Variants in DGCR8 observed in about 807,000 individuals in gnomAD.
DGCR8 encodes microprocessor complex subunit DGCR8.
In DGCR8, 14 loss-of-function variants were observed where a neutral mutation model predicts 78.5. The ratio of observed to expected loss-of-function variants is 0.18; its 90% confidence interval spans 0.12 to 0.28. The LOEUF (loss-of-function observed/expected upper bound fraction) is 0.28. Among genes scored for constraint, DGCR8 ranks in the 10% least tolerant of loss-of-function variants. DGCR8 has a pLI of 1.00. For missense variants in DGCR8, 702 were observed against 1,022.5 expected (o/e 0.69, Z 4.28); for synonymous variants, 399 against 402.4 (o/e 0.99, Z 0.10).
In DGCR8 at chr22:20,107,706, G is replaced by A. The variant is rs1486119743; in HGVS notation, c.2124+308G>A. 2.8e-5 allele frequency: 11 copies of A among 392,284 alleles called. 1 individual carries two copies. Among genetic ancestry groups the A allele is most frequent in the South Asian group, 7.6e-5 (3 of 39,466 alleles). The allele number at this position is 392,284 out of a possible 1,614,324, so 24.3% of individuals were successfully genotyped here. ...GCCAGGCAGGAGATGCTGAAGGTGC[G>A]CCCGGCTCGGAGGTGTGCAAAGGCT... is the stretch of plus-strand genomic sequence containing the variant. On this transcript the variant is annotated intron_variant, in intron 12 of 13. Coordinates refer to ENST00000351989, the MANE Select transcript of DGCR8 (RefSeq NM_022720.7).
chr22:20,084,057 C>T (rs372770553), intron 1 of DGCR8, among the ~76,000 whole-genome samples: 20 of 152,300 alleles, frequency 1.3e-4, no homozygotes, highest in African/African-American at 3.8e-4. Context: ...TGGTCATTGA[C>T]CTGCCAGTGT....
chr22:20,085,627 G>C lies in DGCR8; in HGVS notation c.-277-60G>C. On this transcript the variant is annotated intron_variant, in intron 1 of 13. Coordinates refer to ENST00000351989, the MANE Select transcript of DGCR8 (RefSeq NM_022720.7). The surrounding 1 kb of genome is among the most constrained non-coding windows in gnomAD (Gnocchi z 6.2). Reference sequence around the variant, plus strand: ...TTAATAGTGCTTGGCTTTTAACTTGGTACCAGGGAATTGGAAGGTTTCTGT... The same window carrying C: ...TTAATAGTGCTTGGCTTTTAACTTGCTACCAGGGAATTGGAAGGTTTCTGT... 2 of 1,259,382 alleles carry C rather than the reference G, an allele frequency of 1.6e-6. No individual in the cohort carries two copies. The highest frequency in any genetic ancestry group is 2.0e-6 in the Non-Finnish European group (2 of 999,490). 78.0% of individuals were successfully genotyped at this position (1,259,382 alleles called of 1,614,324 possible). A position where few individuals can be genotyped will look rare whatever the true frequency, so the allele number is the denominator to read the frequency against.
chr22:20,100,812 C>A, intron 9 of DGCR8: 1 of 985,378 alleles, frequency 1.0e-6, no homozygotes, highest in East Asian at 1.1e-4. Flanking sequence ...ACCCCTACTC[C>A]GATCCTCCCA....
chr22:20,088,533 T>C (rs956469320), intron 3 of DGCR8, among the ~76,000 whole-genome samples: 1 of 152,162 alleles, frequency 6.6e-6, no homozygotes, highest in South Asian at 2.1e-4. Context: ...CTTGCTTGGC[T>C]CCGTATTCCC....
At chr22:20,108,811 A>G in intron 12 of DGCR8, 79 bp from the exon 13 acceptor site, 2 of 356,614 alleles carry the variant, frequency 5.6e-6, no homozygotes. Context: ...TCAGGGTCCC[A>G]GGCACACAGC....
At chr22:20,092,775 C>A (rs774384546) in intron 7 of DGCR8, 34 bp from the exon 8 acceptor site, 3 of 1,576,370 alleles carry the variant, frequency 1.9e-6, no homozygotes, top group Non-Finnish European at 8.7e-7. Context: ...TGTCTTGACT[C>A]GTATGTTTTA....
Position 20,085,716 on chromosome 22 carries a change from G to C in DGCR8, c.-248G>C. On this transcript the variant is annotated 5_prime_UTR_variant, in exon 2 of 14. An upstream start codon of the reference 5' UTR is lost. Coordinates refer to ENST00000351989, the MANE Select transcript of DGCR8 (RefSeq NM_022720.7). This position sits in a 1 kb window ranked among gnomAD's most constrained non-coding sequence, Gnocchi z 6.2. ...AAGAAGAAAGGTGCCACTCCGGCAT[G>C]AAGACAGACTCGCTTAGTCGCCAGT... 7.5e-7 allele frequency: 1 copy of C among 1,324,958 alleles called. No homozygotes were observed. Among genetic ancestry groups the C allele is most frequent in the Non-Finnish European group, 9.6e-7 (1 of 1,041,916 alleles). 82.1% of individuals were successfully genotyped at this position (1,324,958 alleles called of 1,614,324 possible).
Position 20,111,710 on chromosome 22 carries a change from CCCCCCCCCCCCCA to C in DGCR8, c.*1606_*1618del, listed in dbSNP as rs2049851703. On this transcript the variant is annotated 3_prime_UTR_variant, in exon 14 of 14. Transcript: ENST00000351989. ...ATACTCTTGTGGTCTCTGTGCGCCCCCCCCCCCCCCCCACCCGTCTGCCAAGCATGGGTATGAA... is the reference window on the plus strand; with the variant it reads ...ATACTCTTGTGGTCTCTGTGCGCCCCCCCGTCTGCCAAGCATGGGTATGAA... 3.7e-5 allele frequency: 2 copies of C among 54,538 alleles called. No individual in the cohort carries two copies. The highest frequency in any genetic ancestry group is 7.5e-5 in the Non-Finnish European group (2 of 26,698). 3.4% of individuals were successfully genotyped at this position (54,538 alleles called of 1,614,324 possible). A position where few individuals can be genotyped will look rare whatever the true frequency, so the allele number is the denominator to read the frequency against.
At chr22:20,080,912 T>C (rs1329996013) in intron 1 of DGCR8, among the ~76,000 whole-genome samples, 2 of 152,244 alleles carry the variant, frequency 1.3e-5, no homozygotes, top group Admixed American at 1.3e-4. Context: ...GACTTGGGTT[T>C]CTTGTGGCAG....
chr22:20,084,339 T>C (rs922890623), intron 1 of DGCR8, among the ~76,000 whole-genome samples: 3 of 152,230 alleles, frequency 2.0e-5, no homozygotes, highest in Non-Finnish European at 4.4e-5. Flanking sequence ...TGTGCATGCA[T>C]GCGTGTTCCT....
At chr22:20,099,347 G>A (rs1349329980) in intron 9 of DGCR8, among the ~76,000 whole-genome samples, 1 of 152,214 alleles carries the variant, frequency 6.6e-6, no homozygotes, top group Non-Finnish European at 1.5e-5. Flanking sequence ...TGAAACAGTT[G>A]CCACTGGTTC....
intron 9 of DGCR8, among the ~76,000 whole-genome samples, chr22:20,098,232 C>G (rs1288510891): frequency 6.6e-6 from 1 of 152,016 alleles, no homozygotes; most frequent in Non-Finnish European, 1.5e-5. Flanking sequence ...CTCAAGCAAT[C>G]TGCCCACCTC....
intron 9 of DGCR8, among the ~76,000 whole-genome samples, chr22:20,095,592 C>T (rs1223790664): frequency 2.6e-5 from 4 of 152,152 alleles, no homozygotes; most frequent in African/African-American, 4.8e-5. Context: ...TTGTTATGTA[C>T]ATATTACTAC....
chr22:20,092,757 G>T, intron 7 of DGCR8, 52 bp from the exon 8 acceptor site: 1 of 1,515,552 alleles, frequency 6.6e-7, no homozygotes, highest in Non-Finnish European at 9.1e-7. Flanking sequence ...CTGTGCACAC[G>T]CTTTTGATGT....
Position 20,110,055 on chromosome 22 carries a change from A to G in DGCR8, c.2269A>G (p.Ile757Val), listed in dbSNP as rs767696517. 6.2e-7 allele frequency: 1 copy of G among 1,613,566 alleles called. No homozygotes were observed. The highest frequency in any genetic ancestry group is 2.2e-5 in the East Asian group (1 of 44,884). The change falls in exon 14 of 14, where the codon ATT (isoleucine) becomes GTT (valine). Residue 757 changes from isoleucine (I) to valine (V), a missense_variant. Around this residue, in one of 4 missense-constraint regions of DGCR8, gnomAD observed 225 missense variants for 427.7 expected, o/e 0.53. Coordinates refer to ENST00000351989, the MANE Select transcript of DGCR8 (RefSeq NM_022720.7). Reference protein sequence around the residue: ...EETRKKPKMSIVASAQPGGEP... With the variant: ...EETRKKPKMSVVASAQPGGEP... ...GACTCGAAAGAAGCCCAAGATGTCCATTGTGGCGTCCGCCCAGCCTGGCGG... is the reference window on the plus strand; with the variant it reads ...GACTCGAAAGAAGCCCAAGATGTCCGTTGTGGCGTCCGCCCAGCCTGGCGG...
intron 9 of DGCR8, among the ~76,000 whole-genome samples, chr22:20,096,281 C>A (rs1474938834): frequency 6.6e-6 from 1 of 152,174 alleles, no homozygotes; most frequent in African/African-American, 2.4e-5. Flanking sequence ...TCCTCCACAT[C>A]TTCATGTCGA....
chr22:20,092,051 C>A, intron 7 of DGCR8, 81 bp downstream of exon 7: 2 of 1,072,710 alleles, frequency 1.9e-6, no homozygotes, highest in Non-Finnish European at 1.4e-6. Context: ...AGGCGCTGAC[C>A]GCTAGCCCTA....
intron 9 of DGCR8, chr22:20,102,042 A>C (rs1394744357): frequency 1.0e-6 from 1 of 982,796 alleles, no homozygotes; most frequent in East Asian, 1.1e-4. Flanking sequence ...TTGGTGGTTC[A>C]TGGCTATTAA....
Position 20,094,716 on chromosome 22 carries a change from G to A in DGCR8, c.1709G>A (p.Arg570Gln), listed in dbSNP as rs1173166685. Residue 570 changes from arginine (R) to glutamine (Q), a missense_variant, in exon 9 of 14, where the codon CGA becomes CAA. This residue lies in a region of DGCR8 where 225 missense variants were observed against 427.7 expected (regional missense o/e 0.53). Coordinates refer to ENST00000351989, the MANE Select transcript of DGCR8 (RefSeq NM_022720.7). Reference sequence around the variant, plus strand: ...CTCGGGCTCTTTTTTTTCATAGCCCGAGCTACACTGGAAATCCTCATCCCT... The same window carrying A: ...CTCGGGCTCTTTTTTTTCATAGCCCAAGCTACACTGGAAATCCTCATCCCT... The part of the protein sequence containing the change: ...SKKLAKNKAA[R>Q]ATLEILIPDF... 1.2e-6 allele frequency: 2 copies of A among 1,613,896 alleles called. No homozygotes were observed. Among genetic ancestry groups the A allele is most frequent in the East Asian group, 2.2e-5 (1 of 44,874 alleles).
Sources: gnomAD v4.1 joint callset for allele counts (sites outside exome capture counted in the v4.1 genomes callset) on GRCh38, gnomAD v4.1.1 for gene constraint, gnomAD v4.1.1 regional missense constraint, Gnocchi (gnomAD v3.1) non-coding constraint, MANE v1.5 for transcripts, NCBI Gene and HGNC (gene_info 2026-07-23, HGNC 2026-07-21) for gene names.